Variants in MAT1A observed in about 807,000 individuals in gnomAD.
The protein encoded by MAT1A is methionine adenosyltransferase 1A.
A neutral mutation model predicts 44.0 loss-of-function variants in MAT1A; 19 were observed. That is an observed-to-expected ratio of 0.43 (90% CI 0.30 to 0.63). The LOEUF is 0.63. MAT1A is among the 30% of genes least tolerant of loss of function. The probability of loss-of-function intolerance (pLI) is 0.12; values close to 1 mark genes in which losing one functional copy is unlikely to be tolerated. For missense variants in MAT1A, 397 were observed against 531.0 expected, an observed-to-expected ratio of 0.75 and a Z score of 2.48; for synonymous variants, 205 against 205.6, an observed-to-expected ratio of 1.00 and a Z score of 0.03.
In MAT1A at chr10:80,273,740, A is replaced by G; in HGVS notation, c.*41T>C. The G allele has an allele frequency of 7.1e-7, 1 of 1,402,276 alleles. No homozygotes were observed. The highest frequency in any genetic ancestry group is 2.3e-4 in the Middle Eastern group (1 of 4,382). The allele number at this position is 1,402,276 out of a possible 1,614,324, so 86.9% of individuals were successfully genotyped here. The stretch of plus-strand genomic sequence containing the variant: ...TCTGGGGAAGAGGAGCATGGCCACC[A>G]GGTGCCTCCAGGGTGAGACCAGGCC... On this transcript the variant is annotated 3_prime_UTR_variant, in exon 9 of 9. Transcript: ENST00000372213.
intron 3 of MAT1A, among the ~76,000 whole-genome samples, chr10:80,283,536 A>G (rs1841596939): frequency 2.0e-5 from 3 of 152,254 alleles, no homozygotes; most frequent in Admixed American, 1.3e-4. Flanking sequence ...CCTCGTCTGC[A>G]TAAGTACATA....
chr10:80,280,198 C>A lies in MAT1A; in HGVS notation c.524G>T (p.Trp175Leu), dbSNP rs1203137107. The A allele has an allele frequency of 1.2e-6, 2 of 1,614,072 alleles. No homozygotes were observed. The highest frequency in any genetic ancestry group is 1.7e-6 in the Non-Finnish European group (2 of 1,180,020). Residue 175 changes from tryptophan to leucine, a missense_variant, in exon 5 of 9, where the codon TGG (tryptophan) becomes TTG (leucine). Physicochemically the swap from Trp to Leu is moderately conservative, Grantham distance 61 (BLOSUM62 -2). Coordinates refer to ENST00000372213, the MANE Select transcript of MAT1A (RefSeq NM_000429.3). ...ADLRRSGLLP[W>L]LRPDSKTQVT... ...CTGAGTCTTAGAGTCAGGCCGCAGCCAGGGGAGGAGGCCGGAGCGCCTGAG... is the reference window on the plus strand; with the variant it reads ...CTGAGTCTTAGAGTCAGGCCGCAGCAAGGGGAGGAGGCCGGAGCGCCTGAG...
chr10:80,282,855 T>C (rs377739620), intron 3 of MAT1A, among the ~76,000 whole-genome samples: 2 of 152,120 alleles, frequency 1.3e-5, no homozygotes, highest in African/African-American at 4.8e-5. Flanking sequence ...ATGCTACACA[T>C]CACCCTAGAC....
intron 8 of MAT1A, 103 bp from the exon 9 acceptor site, chr10:80,273,986 C>T: frequency 1.2e-6 from 1 of 839,474 alleles, no homozygotes; most frequent in East Asian, 2.4e-5. Flanking sequence ...TAACACAGCC[C>T]TCCTCGCATG....
chr10:80,276,656 G>T, intron 5 of MAT1A, 62 bp from the exon 6 acceptor site: 1 of 1,550,608 alleles, frequency 6.4e-7, no homozygotes, highest in South Asian at 1.1e-5. Flanking sequence ...GGCACATCGT[G>T]GCCAGACACA....
intron 7 of MAT1A, 84 bp from the exon 8 acceptor site, chr10:80,274,737 AC>A (rs1841459278): frequency 1.3e-6 from 2 of 1,552,660 alleles, no homozygotes; most frequent in Non-Finnish European, 1.8e-6. Flanking sequence ...TTCTGAAGGG[AC>A]CAGCGGGGAC....
chr10:80,283,586 G>T (rs1489778186), intron 3 of MAT1A, among the ~76,000 whole-genome samples: 1 of 152,234 alleles, frequency 6.6e-6, no homozygotes, highest in Non-Finnish European at 1.5e-5. Context: ...CCAGTGCCTG[G>T]CAGCGAGCAT....
intron 5 of MAT1A, 57 bp from the exon 6 acceptor site, chr10:80,276,651 A>C: frequency 6.4e-7 from 1 of 1,569,714 alleles, no homozygotes; most frequent in Non-Finnish European, 8.7e-7. Flanking sequence ...CGAACGGCAC[A>C]TCGTGGCCAG....
At chr10:80,274,886 A>G (rs1841462107) in intron 7 of MAT1A, 131 bp downstream of exon 7, 2 of 1,284,292 alleles carry the variant, frequency 1.6e-6, no homozygotes, top group South Asian at 2.6e-5. Flanking sequence ...ACAGTGCCCA[A>G]CACAATCACA....
Position 80,273,296 on chromosome 10 carries a change from G to A in MAT1A, c.*485C>T, listed in dbSNP as rs1362296112. On this transcript the variant is annotated 3_prime_UTR_variant, in exon 9 of 9. Coordinates refer to ENST00000372213, the MANE Select transcript of MAT1A (RefSeq NM_000429.3). ...AGACATCAGTCCTGCTCTAACCCCT[G>A]CCACATGCCTGGCCTGGGTGGGGCT... is the stretch of plus-strand genomic sequence containing the variant. 4.1e-6 allele frequency: 1 copy of A among 243,802 alleles called. No individual in the cohort carries two copies. The highest frequency in any genetic ancestry group is 5.1e-5 in the Admixed American group (1 of 19,632). 15.1% of individuals were successfully genotyped at this position (243,802 alleles called of 1,614,324 possible).
rs1194746964 is a variant in MAT1A, at chr10:80,280,802, A to C, written c.293-10T>G. 1.9e-6 allele frequency: 3 copies of C among 1,603,606 alleles called. No individual in the cohort carries two copies. In the East Asian group the frequency reaches 6.7e-5, roughly 36 times the overall value. ...GTCTTGAAGTCAAAGCCTAGGCGGA[A>C]GCAAAGTGAGCCTAAGTGGGGAACA... On this transcript the variant is annotated splice_polypyrimidine_tract_variant and intron_variant, in intron 3 of 8. Transcript: ENST00000372213.
At chr10:80,274,954 C>A in intron 7 of MAT1A, 63 bp downstream of exon 7, 3 of 1,530,272 alleles carry the variant, frequency 2.0e-6, no homozygotes, top group Non-Finnish European at 2.7e-6. Context: ...TCCCCTCACT[C>A]AGGGCAGAAC....
At chr10:80,283,631 C>G (rs947927678) in intron 3 of MAT1A, among the ~76,000 whole-genome samples, 1 of 152,268 alleles carries the variant, frequency 6.6e-6, no homozygotes, top group African/African-American at 2.4e-5. Context: ...TTATTCAGTG[C>G]ATCTTTCTCT....
chr10:80,288,693 C>A (rs1841680774), intron 1 of MAT1A, among the ~76,000 whole-genome samples: 1 of 152,156 alleles, frequency 6.6e-6, no homozygotes, highest in Non-Finnish European at 1.5e-5. Flanking sequence ...GCACATGCTT[C>A]ACATGCAAAA....
intron 3 of MAT1A, among the ~76,000 whole-genome samples, chr10:80,281,732 C>T (rs1589482597): frequency 6.6e-6 from 1 of 152,224 alleles, no homozygotes; most frequent in Non-Finnish European, 1.5e-5. Flanking sequence ...TGTTTCTGTA[C>T]AAGCTTCAGG....
At chr10:80,283,523 T>C (rs577497486) in intron 3 of MAT1A, among the ~76,000 whole-genome samples, 16 of 152,390 alleles carry the variant, frequency 1.0e-4, no homozygotes, top group Admixed American at 3.3e-4. Flanking sequence ...TAGGCCTCCA[T>C]TTCCTCGTCT....
chr10:80,280,250 G>A lies in MAT1A; in HGVS notation c.472C>T (p.His158Tyr), dbSNP rs1294981479. Residue 158 changes from histidine to tyrosine, a missense_variant, in exon 5 of 9, where the codon CAC becomes TAC. Physicochemically the swap from His to Tyr is moderately conservative, Grantham distance 83. Coordinates refer to ENST00000372213, the MANE Select transcript of MAT1A (RefSeq NM_000429.3). The stretch of plus-strand genomic sequence containing the variant: ...TCTGCCATCCGGGCGTTGAGCTTGT[G>A]AGCAAGGATGATGGTGAGGGGCATG... Reference protein sequence around the residue: ...ECMPLTIILAHKLNARMADLR... With the variant: ...ECMPLTIILAYKLNARMADLR... 6 of 1,613,982 alleles carry A rather than the reference G, an allele frequency of 3.7e-6. No individual in the cohort carries two copies. The highest frequency in any genetic ancestry group is 5.1e-6 in the Non-Finnish European group (6 of 1,180,048).
At position 80,280,104 on chromosome 10, in the gene MAT1A, A is replaced by C. The variant is rs575515844; in HGVS notation, c.549+69T>G. On this transcript the variant is annotated intron_variant, in intron 5 of 8. Coordinates refer to ENST00000372213, the MANE Select transcript of MAT1A (RefSeq NM_000429.3). ...TTCGATCTTAAAAATGACACAATCA[A>C]GAATCAAGAGGATTTGGGGGTATTA... 54 of 1,549,182 alleles carry C rather than the reference A, an allele frequency of 3.5e-5. No homozygotes were observed. In the East Asian group the frequency reaches 1.1e-3, roughly 32 times the overall value.
chr10:80,285,491 G>A (rs1841636905), intron 2 of MAT1A, 21 bp downstream of exon 2: 3 of 1,609,110 alleles, frequency 1.9e-6, no homozygotes, highest in Non-Finnish European at 2.6e-6. Context: ...CTCCAGCAGG[G>A]AGGGATCGGG....
Sources: allele counts gnomAD v4.1 joint callset (sites outside exome capture counted in the v4.1 genomes callset), GRCh38; gene constraint gnomAD v4.1.1; transcripts MANE v1.5; gene names NCBI Gene and HGNC (gene_info 2026-07-23, HGNC 2026-07-21).